The following LGALS16 variants were observed in gnomAD, a reference collection of about 807,000 sequenced individuals.
LGALS16 encodes the protein galectin-16.
In LGALS16, 15 loss-of-function variants were observed where a neutral mutation model predicts 13.2. That is an observed-to-expected ratio of 1.13 (90% CI 0.76 to 1.75). LGALS16 has a LOEUF of 1.75. Ranked by LOEUF, LGALS16 falls within the 40% of genes most tolerant of loss-of-function variation. The probability of loss-of-function intolerance (pLI) is 0.00; values close to 1 mark genes in which losing one functional copy is unlikely to be tolerated. For synonymous variants in LGALS16, 66 were observed against 65.4 expected, an observed-to-expected ratio of 1.01 and a Z score of -0.05; for missense variants, 198 against 178.4, an observed-to-expected ratio of 1.11 and a Z score of -0.63.
chr19:39,656,063 G>A lies in LGALS16; in HGVS notation c.15+87G>A, dbSNP rs1335740536. 14 of 1,377,928 alleles carry A rather than the reference G, an allele frequency of 1.0e-5. No individual in the cohort carries two copies. The East Asian group carries it at 2.4e-4, about 24-fold the overall frequency. The allele number at this position is 1,377,928 out of a possible 1,614,324, so 85.4% of individuals were successfully genotyped here. The stretch of plus-strand genomic sequence containing the variant: ...GGTATTTTATGAGATGAAAATATGA[G>A]CATTCCTACTGTGAATGCTTTACTG... On this transcript the variant is annotated intron_variant, in intron 1 of 3. Coordinates refer to ENST00000392051, the MANE Select transcript of LGALS16 (RefSeq NM_001190441.3).
At chr19:39,657,554 A>G (rs1973207566) in intron 1 of LGALS16, among the ~76,000 whole-genome samples, 1 of 152,144 alleles carries the variant, frequency 6.6e-6, no homozygotes, top group African/African-American at 2.4e-5. Flanking sequence ...CTGCTCTATT[A>G]TGGAGAACTT....
intron 1 of LGALS16, among the ~76,000 whole-genome samples, chr19:39,656,984 T>G (rs2190913): frequency 0.31 from 46,583 of 151,400 alleles, 8,241 homozygotes; most frequent in Admixed American, 0.52. Flanking sequence ...ACAAAGCAGC[T>G]GGGTTCACTG....
At chr19:39,658,431 G>A in intron 2 of LGALS16, 29 bp from the exon 3 acceptor site, 2 of 1,551,746 alleles carry the variant, frequency 1.3e-6, no homozygotes, top group Non-Finnish European at 1.7e-6. Context: ...GAAGGAACCT[G>A]TCCAATATGC....
intron 1 of LGALS16, among the ~76,000 whole-genome samples, chr19:39,657,249 A>T (rs137946538): frequency 6.4e-4 from 97 of 152,314 alleles, no homozygotes; most frequent in Non-Finnish European, 9.6e-4. Context: ...TGGGCAACAG[A>T]GCAAGACCCT....
At chr19:39,660,325 C>T in intron 3 of LGALS16, 70 bp from the exon 4 acceptor site, 1 of 1,471,936 alleles carries the variant, frequency 6.8e-7, no homozygotes, top group Middle Eastern at 1.7e-4. Flanking sequence ...GGTACTAGGG[C>T]AGAGTAGAGA....
chr19:39,659,102 C>CTTTTT (rs74178093), intron 3 of LGALS16, among the ~76,000 whole-genome samples: 1 of 140,808 alleles, frequency 7.1e-6, no homozygotes, highest in South Asian at 2.3e-4. Flanking sequence ...AATCCTTTTT[C>CTTTTT]TTTTTTTTTT....
intron 1 of LGALS16, 59 bp downstream of exon 1, chr19:39,656,035 TGGGGTA>T: frequency 6.4e-7 from 1 of 1,565,292 alleles, no homozygotes. Flanking sequence ...AAGAAAGATG[TGGGGTA>T]TTTTATGAGA....
intron 1 of LGALS16, 179 bp from the exon 2 acceptor site, chr19:39,657,704 C>T (rs1600817837): frequency 2.9e-6 from 2 of 693,802 alleles, no homozygotes; most frequent in Admixed American, 2.4e-5. Flanking sequence ...AACCCTTGCT[C>T]TTACCTATGG....
intron 1 of LGALS16, 119 bp from the exon 2 acceptor site, chr19:39,657,763 TG>T: frequency 9.3e-7 from 1 of 1,080,204 alleles, no homozygotes; most frequent in Non-Finnish European, 1.4e-6. Context: ...GTAGAGTGAA[TG>T]GGGAGAGTCC....
rs149409914 is a variant in LGALS16 at position 39,658,546 on chromosome 19, G to A, written c.179G>A (p.Arg60His). ...TTCCATTTGCGAGTGCACTTAGGCC[G>A]TCGTGTGGTCATGAACAGTCGTGAG... Reference protein sequence around the residue: ...IAFHLRVHLGRRVVMNSREFG... With the variant: ...IAFHLRVHLGHRVVMNSREFG... The change falls in exon 3 of 4, where the codon CGT (arginine) becomes CAT (histidine). Residue 60 changes from arginine to histidine, a missense_variant. Transcript: ENST00000392051. 27 of 1,608,054 alleles carry A rather than the reference G, an allele frequency of 1.7e-5. No homozygotes were observed. The highest frequency in any genetic ancestry group is 6.7e-5 in the East Asian group (3 of 44,684).
intron 3 of LGALS16, among the ~76,000 whole-genome samples, chr19:39,659,946 A>G (rs1277907983): frequency 1.3e-5 from 2 of 152,176 alleles, no homozygotes; most frequent in Non-Finnish European, 2.9e-5. Context: ...TGCCATTAAC[A>G]CCTCAGATGT....
At chr19:39,659,688 G>C (rs1030133464) in intron 3 of LGALS16, among the ~76,000 whole-genome samples, 2 of 152,070 alleles carry the variant, frequency 1.3e-5, no homozygotes, top group Non-Finnish European at 2.9e-5. Context: ...TGAAAAAACT[G>C]GTTGAAAAAT....
At chr19:39,658,702 C>G in intron 3 of LGALS16, 32 bp downstream of exon 3, 1 of 1,392,600 alleles carries the variant, frequency 7.2e-7, no homozygotes, top group South Asian at 1.2e-5. Context: ...AGTACCCAGG[C>G]TCTTTGGGAT....
intron 1 of LGALS16, among the ~76,000 whole-genome samples, chr19:39,656,694 A>G (rs1389905098): frequency 6.6e-6 from 1 of 151,856 alleles, no homozygotes; most frequent in Non-Finnish European, 1.5e-5. Flanking sequence ...AGAGGAATGG[A>G]GACTATGGGG....
chr19:39,660,244 G>A lies in LGALS16; in HGVS notation c.304-151G>A, dbSNP rs1180246766. The stretch of plus-strand genomic sequence containing the variant: ...CAACTGTCTCAAATAGGCACAAAAT[G>A]TCATCTGTAAACAGAAGTGTATCTA... On this transcript the variant is annotated intron_variant, in intron 3 of 3. Coordinates refer to ENST00000392051, the MANE Select transcript of LGALS16 (RefSeq NM_001190441.3). 4 of 703,124 alleles carry A rather than the reference G, an allele frequency of 5.7e-6. No individual in the cohort carries two copies. The East Asian group carries it at 8.5e-5, about 15-fold the overall frequency. 43.6% of individuals were successfully genotyped at this position (703,124 alleles called of 1,614,324 possible).
intron 1 of LGALS16, 28 bp from the exon 2 acceptor site, chr19:39,657,855 C>T (rs1217793194): frequency 6.2e-7 from 1 of 1,611,432 alleles, no homozygotes; most frequent in Non-Finnish European, 8.5e-7. Flanking sequence ...GACCCTGCAC[C>T]TCTCACTTAT....
chr19:39,660,464 CA>C lies in LGALS16; in HGVS notation c.375del (p.Val126CysfsTer24). ...RIPPSYVKMI[Q>X]VWRDVSLDSV... Reference sequence around the variant, plus strand: ...CCCGCCATCATATGTGAAGATGATTCAAGTGTGGAGAGATGTCTCCCTGGAC... The same window carrying C: ...CCCGCCATCATATGTGAAGATGATTCAGTGTGGAGAGATGTCTCCCTGGAC... On this transcript the variant is annotated frameshift_variant, in exon 4 of 4. Transcript: ENST00000392051. LOFTEE classifies it low-confidence loss of function (END_TRUNC). 1 of 1,541,920 alleles carries C rather than the reference CA, an allele frequency of 6.5e-7. No individual in the cohort carries two copies. The highest frequency in any genetic ancestry group is 8.7e-7 in the Non-Finnish European group (1 of 1,147,834).
In LGALS16 at chr19:39,658,465, A is replaced by G; in HGVS notation, c.98A>G (p.Glu33Gly). ...GCTGTGTGCTTTGCCCTCAGCAACG[A>G]ACCACAGCTGCAGGTGGATTTCTAC... ...KGTLIDSSIN[E>G]PQLQVDFYTE... The change falls in exon 3 of 4, where the codon GAA becomes GGA. Residue 33 changes from glutamate (E) to glycine (G), a missense_variant. Glu to Gly is a moderately conservative substitution (Grantham distance 98). Coordinates refer to ENST00000392051, the MANE Select transcript of LGALS16 (RefSeq NM_001190441.3). 1 of 1,597,446 alleles carries G rather than the reference A, an allele frequency of 6.3e-7. No homozygotes were observed. The highest frequency in any genetic ancestry group is 8.5e-7 in the Non-Finnish European group (1 of 1,174,716).
chr19:39,659,264 A>G (rs1302960622), intron 3 of LGALS16, among the ~76,000 whole-genome samples: 1 of 151,950 alleles, frequency 6.6e-6, no homozygotes, highest in Non-Finnish European at 1.5e-5. Context: ...TATTTTTAGT[A>G]GAGACGGGGT....
Sources: gnomAD v4.1 joint callset for allele counts (sites outside exome capture counted in the v4.1 genomes callset) on GRCh38, gnomAD v4.1.1 for gene constraint, MANE v1.5 for transcripts, NCBI Gene and HGNC (gene_info 2026-07-23, HGNC 2026-07-21) for gene names.